The following RORA variants were observed in gnomAD, a reference collection of about 807,000 sequenced individuals.
RORA encodes the protein nuclear receptor ROR-alpha.
RORA carries 7 observed loss-of-function variants against 69.5 expected under a neutral mutation model. That is an observed-to-expected ratio of 0.10 (90% CI 0.06 to 0.19). The LOEUF (loss-of-function observed/expected upper bound fraction) is 0.19, where lower values mean the gene tolerates loss of function less well. Among genes scored for constraint, RORA ranks in the 10% least tolerant of loss-of-function variants. RORA has a pLI of 1.00. For synonymous variants in RORA, 261 were observed against 240.8 expected (o/e 1.08, Z -0.78); for missense variants, 457 against 663.0 (o/e 0.69, Z 3.41).
chr15:61,219,630 G>C (rs545606597), intron 1 of RORA, among the ~76,000 whole-genome samples: 3 of 152,056 alleles, frequency 2.0e-5, no homozygotes, highest in Non-Finnish European at 4.4e-5. Context: ...TCCTGGCACA[G>C]CACACAAGTG....
rs905412153 is a variant in RORA, at chr15:60,496,600, CAT to C, written c.*853_*854del. On this transcript the variant is annotated 3_prime_UTR_variant, in exon 11 of 11. Transcript: ENST00000335670. The surrounding 1 kb of genome is among the most constrained non-coding windows in gnomAD (Gnocchi z 4.5). ...AGTTCCGTTTCTAATTCCAAATTCA[CAT>C]GTTAAAAAAAAAATCCAACGTGGTG... The C allele has an allele frequency of 6.6e-5, 10 of 151,848 alleles. No individual in the cohort carries two copies. The highest frequency in any genetic ancestry group is 2.1e-4 in the South Asian group (1 of 4,800). The allele number at this position is 151,848 out of a possible 1,614,324, so 9.4% of individuals were successfully genotyped here. A position where few individuals can be genotyped will look rare whatever the true frequency, so the allele number is the denominator to read the frequency against.
Position 60,511,422 on chromosome 15 carries a change from G to A in RORA, c.624C>T (p.Thr208=), listed in dbSNP as rs1288480919. 2 of 1,614,028 alleles carry A rather than the reference G, an allele frequency of 1.2e-6. No homozygotes were observed. Among genetic ancestry groups the A allele is most frequent in the Non-Finnish European group, 1.7e-6 (2 of 1,180,032 alleles). ...DDLSNYIDGH[T]PEGSKADSAV... Reference sequence around the variant, plus strand: ...CGGAGTCTGCCTTACTCCCCTCAGGGGTGTGCCCGTCAATGTAGTTACTGA... The same window carrying A: ...CGGAGTCTGCCTTACTCCCCTCAGGAGTGTGCCCGTCAATGTAGTTACTGA... The change falls in exon 5 of 11, where the codon ACC becomes ACT. Residue 208 remains threonine (T), a synonymous_variant. Coordinates refer to ENST00000335670, the MANE Select transcript of RORA (RefSeq NM_134261.3). This position sits in a 1 kb window ranked among gnomAD's most constrained non-coding sequence, Gnocchi z 6.4.
chr15:60,531,957 A>G lies in RORA; in HGVS notation c.197-106T>C, dbSNP rs2066538813. On this transcript the variant is annotated intron_variant, in intron 2 of 10. Coordinates refer to ENST00000335670, the MANE Select transcript of RORA (RefSeq NM_134261.3). The surrounding 1 kb of genome is among the most constrained non-coding windows in gnomAD (Gnocchi z 4.8). ...AGTGAAAACTAATAACCTGCTAAACATTATACTGCATTAACTATTCATTGC... is the reference window on the plus strand; with the variant it reads ...AGTGAAAACTAATAACCTGCTAAACGTTATACTGCATTAACTATTCATTGC... 1 of 623,878 alleles carries G rather than the reference A, an allele frequency of 1.6e-6. No homozygotes were observed. 38.6% of individuals were successfully genotyped at this position (623,878 alleles called of 1,614,324 possible). A position where few individuals can be genotyped will look rare whatever the true frequency, so the allele number is the denominator to read the frequency against.
intron 1 of RORA, among the ~76,000 whole-genome samples, chr15:61,178,015 C>T (rs529110892): frequency 5.3e-5 from 8 of 151,280 alleles, no homozygotes; most frequent in African/African-American, 1.5e-4. Context: ...GGAAAGAAGG[C>T]CAAAGGGGAA....
chr15:60,996,386 A>G lies in RORA; in HGVS notation c.166+232667T>C, dbSNP rs28636691. Among the ~76,000 whole-genome samples, 802 of 152,282 alleles carry G rather than the reference A, an allele frequency of 5.3e-3. 8 individuals carry two copies. Among genetic ancestry groups the G allele is most frequent in the African/African-American group, 0.018 (762 of 41,550 alleles). On this transcript the variant is annotated intron_variant, in intron 1 of 10. Transcript: ENST00000335670. ...CACGCCCAGCCCTACATCTTGTTTTAATTGGTGGTTACATGGGTATATACG... is the reference window on the plus strand; with the variant it reads ...CACGCCCAGCCCTACATCTTGTTTTGATTGGTGGTTACATGGGTATATACG...
chr15:60,720,056 G>A (rs2071272239), intron 1 of RORA, among the ~76,000 whole-genome samples: 1 of 152,148 alleles, frequency 6.6e-6, no homozygotes, highest in African/African-American at 2.4e-5. Flanking sequence ...AAAATAGAAA[G>A]AGGCGGCATT....
intron 2 of RORA, among the ~76,000 whole-genome samples, chr15:60,573,330 C>T (rs1045755635): frequency 6.6e-6 from 1 of 152,184 alleles, no homozygotes; most frequent in African/African-American, 2.4e-5. Flanking sequence ...AGACTCGTGG[C>T]GGATGCCTTT....
At chr15:60,968,017 G>A (rs1290885890) in intron 1 of RORA, among the ~76,000 whole-genome samples, 1 of 152,152 alleles carries the variant, frequency 6.6e-6, no homozygotes, top group African/African-American at 2.4e-5. Context: ...GTGGCACAGG[G>A]GAAACACCAC....
At chr15:60,619,953 A>T (rs2069358986) in intron 2 of RORA, among the ~76,000 whole-genome samples, 1 of 152,316 alleles carries the variant, frequency 6.6e-6, no homozygotes, top group Non-Finnish European at 1.5e-5. Flanking sequence ...GGTTTCCAAG[A>T]GCTCCATCCA....
At chr15:60,805,996 G>A (rs2198917) in intron 1 of RORA, among the ~76,000 whole-genome samples, 14,499 of 152,224 alleles carry the variant, frequency 0.095, 1,470 homozygotes, top group African/African-American at 0.25. Context: ...ATCTGTAGGG[G>A]GTAGATTGGG....
chr15:61,054,913 T>G (rs1445514523), intron 1 of RORA, among the ~76,000 whole-genome samples: 2 of 151,566 alleles, frequency 1.3e-5, no homozygotes, highest in South Asian at 2.1e-4. Flanking sequence ...CACGGCTCCG[T>G]GTAGCTTCCA....
intron 2 of RORA, among the ~76,000 whole-genome samples, chr15:60,633,754 G>C (rs1177701298): frequency 6.6e-6 from 1 of 152,204 alleles, no homozygotes; most frequent in Non-Finnish European, 1.5e-5. Flanking sequence ...GTGGATGATT[G>C]CCTGAAATTG....
intron 1 of RORA, among the ~76,000 whole-genome samples, chr15:60,957,124 G>C (rs1413281027): frequency 6.6e-6 from 1 of 152,226 alleles, no homozygotes; most frequent in Non-Finnish European, 1.5e-5. Context: ...CTAAACAGTG[G>C]TGATTCAAAA....
intron 2 of RORA, among the ~76,000 whole-genome samples, chr15:60,564,771 C>T (rs1050127746): frequency 4.6e-5 from 7 of 152,056 alleles, no homozygotes; most frequent in African/African-American, 9.7e-5. Flanking sequence ...ATTTTATCAG[C>T]GCAAAACAGT....
intron 1 of RORA, among the ~76,000 whole-genome samples, chr15:61,032,105 C>T (rs1048536701): frequency 6.6e-6 from 1 of 152,146 alleles, no homozygotes; most frequent in African/African-American, 2.4e-5. Flanking sequence ...ACATGCTCTA[C>T]CCATGAAGAA....
intron 1 of RORA, chr15:60,841,172 G>T: frequency 4.2e-6 from 3 of 716,636 alleles, no homozygotes; most frequent in Non-Finnish European, 3.4e-6. Flanking sequence ...GACACAGCTT[G>T]GAGAAAGAAC....
intron 2 of RORA, among the ~76,000 whole-genome samples, chr15:60,654,612 T>G (rs1279241294): frequency 6.6e-6 from 1 of 152,200 alleles, no homozygotes; most frequent in Non-Finnish European, 1.5e-5. Flanking sequence ...AAAGGGACTT[T>G]GCAGCTGTGA....
intron 1 of RORA, among the ~76,000 whole-genome samples, chr15:60,751,465 T>A (rs2071722338): frequency 6.6e-6 from 1 of 152,224 alleles, no homozygotes; most frequent in African/African-American, 2.4e-5. Flanking sequence ...CCAGGCGCTA[T>A]GCCAATCATT....
chr15:60,665,117 T>G (rs1222968378), intron 2 of RORA, among the ~76,000 whole-genome samples: 1 of 152,216 alleles, frequency 6.6e-6, no homozygotes, highest in East Asian at 1.9e-4. Context: ...TAAATGTCAT[T>G]TCTTTCCAGA....
Sources: gnomAD v4.1 joint callset for allele counts (sites outside exome capture counted in the v4.1 genomes callset) on GRCh38, gnomAD v4.1.1 for gene constraint, Gnocchi (gnomAD v3.1) non-coding constraint, MANE v1.5 for transcripts, NCBI Gene and HGNC (gene_info 2026-07-23, HGNC 2026-07-21) for gene names.